The following NEK5 variants were observed in gnomAD, a reference collection of about 807,000 sequenced individuals.
NEK5 encodes the protein NIMA related kinase 5.
A neutral mutation model predicts 109.2 loss-of-function variants in NEK5; 88 were observed. That is an observed-to-expected ratio of 0.81 (90% CI 0.68 to 0.96). The LOEUF (loss-of-function observed/expected upper bound fraction) is 0.96, where lower values mean the gene tolerates loss of function less well. Ranked by LOEUF, NEK5 falls within the 40% of genes least tolerant of loss-of-function variation. The probability of loss-of-function intolerance (pLI) is 0.00; values close to 1 mark genes in which losing one functional copy is unlikely to be tolerated. For synonymous variants in NEK5, 283 were observed against 299.9 expected, an observed-to-expected ratio of 0.94 and a Z score of 0.58; for missense variants, 834 against 920.7, an observed-to-expected ratio of 0.91 and a Z score of 1.22.
At chr13:52,041,734 A>G in intron 23 of NEK5, among the ~76,000 whole-genome samples, 1 of 150,094 alleles carries the variant, frequency 6.7e-6, no homozygotes, top group African/African-American at 2.4e-5. Context: ...GTCTCAAAAA[A>G]AAAAAAAAAA....
At chr13:52,086,787 T>C (rs1414370347) in intron 15 of NEK5, among the ~76,000 whole-genome samples, 2 of 151,022 alleles carry the variant, frequency 1.3e-5, no homozygotes, top group Non-Finnish European at 3.0e-5. Context: ...TAGTTCAATA[T>C]GACTGATGTC....
chr13:52,116,832 T>C (rs374571264), intron 4 of NEK5, among the ~76,000 whole-genome samples: 1 of 152,236 alleles, frequency 6.6e-6, no homozygotes, highest in Admixed American at 6.5e-5. Context: ...TGATGGAATA[T>C]ACATGGAATT....
chr13:52,066,795 C>T (rs373017121), intron 20 of NEK5, among the ~76,000 whole-genome samples: 57 of 148,318 alleles, frequency 3.8e-4, no homozygotes, highest in East Asian at 9.8e-4. Context: ...CAGAGTGAGA[C>T]GCTGTCTCAA....
rs1447002172 is a variant in NEK5, at chr13:52,104,586, T to C, written c.555-34A>G. 5.6e-6 allele frequency: 8 copies of C among 1,438,490 alleles called. No homozygotes were observed. The East Asian group carries it at 1.8e-4, about 33-fold the overall frequency. 89.1% of individuals were successfully genotyped at this position (1,438,490 alleles called of 1,614,324 possible). On this transcript the variant is annotated intron_variant, in intron 8 of 23. Coordinates refer to ENST00000684899, the MANE Select transcript of NEK5 (RefSeq NM_001365552.1). ...GATAAGAGTTTACATGCCAAGAAAATATCCATAATTCTTAATAAAAGCTTT... is the reference window on the plus strand; with the variant it reads ...GATAAGAGTTTACATGCCAAGAAAACATCCATAATTCTTAATAAAAGCTTT...
Position 52,061,901 on chromosome 13 carries a change from C to G in NEK5, c.2028G>C (p.Arg676=). ...TCATTAAAGTTCCTGGAGCTTCATG[C>G]CGCCACTGTTTCCTGTTTCCTGGAA... ...EGIPGNRKQW[R]HEAPGTLMSV... is the part of the protein sequence containing the mutation. The change falls in exon 22 of 24, where the codon CGG becomes CGC. Residue 676 remains arginine (R), a synonymous_variant. Transcript: ENST00000684899. The G allele has an allele frequency of 1.0e-6, 1 of 980,588 alleles. No individual in the cohort carries two copies. The highest frequency in any genetic ancestry group is 1.1e-4 in the East Asian group (1 of 8,802). 60.7% of individuals were successfully genotyped at this position (980,588 alleles called of 1,614,324 possible).
intron 3 of NEK5, 32 bp downstream of exon 3, chr13:52,127,334 G>T: frequency 8.7e-7 from 1 of 1,148,082 alleles, no homozygotes; most frequent in Non-Finnish European, 1.3e-6. Flanking sequence ...ATATCCCACT[G>T]AAAATTAACA....
chr13:52,057,834 C>T (rs1954575097), intron 22 of NEK5, among the ~76,000 whole-genome samples: 1 of 151,614 alleles, frequency 6.6e-6, no homozygotes, highest in South Asian at 2.1e-4. Context: ...GACAAACCCA[C>T]AGCCAATATC....
chr13:52,046,298 A>C (rs554475260), intron 23 of NEK5, among the ~76,000 whole-genome samples: 6 of 150,366 alleles, frequency 4.0e-5, no homozygotes, highest in African/African-American at 4.9e-5. Context: ...GCAACACGGC[A>C]AGACCCTGTC....
Position 52,112,352 on chromosome 13 carries a change from C to A in NEK5, c.228G>T (p.Leu76=). ...CATCACAATATTCCATTACAATAAA[C>A]AGCCTGCCATTCTCTGTAAGAAAAG... ...FFNSFQENGR[L]FIVMEYCDGG... is the part of the protein sequence containing the mutation. The change falls in exon 5 of 24, where the codon CTG becomes CTT. Residue 76 remains leucine (L), a synonymous_variant. Transcript: ENST00000684899. The A allele has an allele frequency of 6.2e-7, 1 of 1,600,650 alleles. No individual in the cohort carries two copies. The highest frequency in any genetic ancestry group is 2.2e-5 in the East Asian group (1 of 44,756).
At chr13:52,081,900 A>G (rs1040333463) in intron 17 of NEK5, among the ~76,000 whole-genome samples, 3 of 152,228 alleles carry the variant, frequency 2.0e-5, no homozygotes, top group African/African-American at 7.2e-5. Context: ...CTGTGATCCT[A>G]CTGGCACCTT....
intron 17 of NEK5, 22 bp from the exon 18 acceptor site, chr13:52,076,165 C>A: frequency 7.5e-7 from 1 of 1,327,794 alleles, no homozygotes; most frequent in Non-Finnish European, 1.1e-6. Context: ...GAGAAAAATA[C>A]AATTCTCTCA....
At chr13:52,080,683 C>T (rs1460889380) in intron 17 of NEK5, among the ~76,000 whole-genome samples, 1 of 151,920 alleles carries the variant, frequency 6.6e-6, no homozygotes, top group Non-Finnish European at 1.5e-5. Flanking sequence ...TAAACAGATG[C>T]TTGAAGGCAG....
chr13:52,052,742 C>A (rs1347704168), intron 22 of NEK5, among the ~76,000 whole-genome samples: 1 of 152,116 alleles, frequency 6.6e-6, no homozygotes, highest in African/African-American at 2.4e-5. Context: ...ACCCAAGCCA[C>A]CAGAAATTTT....
chr13:52,125,516 T>C (rs560079138), intron 3 of NEK5, among the ~76,000 whole-genome samples: 2 of 152,308 alleles, frequency 1.3e-5, no homozygotes, highest in Non-Finnish European at 2.9e-5. Context: ...TGAGCCGAGA[T>C]GGCACCACTG....
chr13:52,116,492 C>T (rs904710771), intron 4 of NEK5, among the ~76,000 whole-genome samples: 1 of 152,098 alleles, frequency 6.6e-6, no homozygotes, highest in Admixed American at 6.6e-5. Context: ...CCAATTAACC[C>T]AATTGCAAGT....
chr13:52,034,044 G>T lies in NEK5; in HGVS notation c.*2904C>A, dbSNP rs1954334090. 1 of 152,158 alleles carries T rather than the reference G, an allele frequency of 6.6e-6. No homozygotes were observed. The highest frequency in any genetic ancestry group is 2.1e-4 in the South Asian group (1 of 4,838). 9.4% of individuals were successfully genotyped at this position (152,158 alleles called of 1,614,324 possible). A position where few individuals can be genotyped will look rare whatever the true frequency, so the allele number is the denominator to read the frequency against. ...ATCTGTTCCAATATTCTGGTGCTAT[G>T]TGCTCAGTTGTACTATATGCAAATG... On this transcript the variant is annotated 3_prime_UTR_variant, in exon 24 of 24. Coordinates refer to ENST00000684899, the MANE Select transcript of NEK5 (RefSeq NM_001365552.1).
At chr13:52,056,271 A>G (rs1954554399) in intron 22 of NEK5, among the ~76,000 whole-genome samples, 1 of 152,090 alleles carries the variant, frequency 6.6e-6, no homozygotes, top group South Asian at 2.1e-4. Flanking sequence ...TATGCACCCA[A>G]TACAGGAGCA....
intron 16 of NEK5, among the ~76,000 whole-genome samples, chr13:52,084,758 AGAGAGTGTGTGTGTGTGTGTGT>A (rs1163897612): frequency 1.3e-4 from 6 of 45,178 alleles, no homozygotes; most frequent in South Asian, 6.8e-4. Context: ...AGAGAGAGAG[AGAGAGTGTGTGTGTGTGTGTGT>A]GTGTGTGTGT....
In NEK5 at chr13:52,037,187, C is replaced by T. The variant is rs1024044734; in HGVS notation, c.2260G>A (p.Asp754Asn). Residue 754 changes from aspartate (D) to asparagine (N), a missense_variant, in exon 24 of 24, where the codon GAT becomes AAT. By Grantham distance (23) the Asp-to-Asn change is conservative. Around this residue, in one of 2 missense-constraint regions of NEK5, gnomAD observed 57 missense variants for 96.0 expected, o/e 0.59. Coordinates refer to ENST00000684899, the MANE Select transcript of NEK5 (RefSeq NM_001365552.1). ...TTTTCTAAGTATTCTACTACTTCAT[C>T]TCTCAACTCATCTTCAGATTCTTCA... Reference protein sequence around the residue: ...NFEESEDELRDEVVEYLEKLA... With the variant: ...NFEESEDELRNEVVEYLEKLA... 1.0e-6 allele frequency: 1 copy of T among 984,538 alleles called. No homozygotes were observed. Among genetic ancestry groups the T allele is most frequent in the African/African-American group, 1.7e-5 (1 of 57,318 alleles). 61.0% of individuals were successfully genotyped at this position (984,538 alleles called of 1,614,324 possible). A position where few individuals can be genotyped will look rare whatever the true frequency, so the allele number is the denominator to read the frequency against.
Sources: gnomAD v4.1 joint callset for allele counts (sites outside exome capture counted in the v4.1 genomes callset) on GRCh38, gnomAD v4.1.1 for gene constraint, gnomAD v4.1.1 regional missense constraint, MANE v1.5 for transcripts, NCBI Gene and HGNC (gene_info 2026-07-23, HGNC 2026-07-21) for gene names.